The following MAST2 variants were observed in gnomAD, a reference collection of about 807,000 sequenced individuals.
The protein encoded by MAST2 is microtubule-associated serine/threonine-protein kinase 2.
A neutral mutation model predicts 147.4 loss-of-function variants in MAST2; 70 were observed. The ratio of observed to expected loss-of-function variants is 0.47; its 90% CI spans 0.39 to 0.58. The LOEUF (loss-of-function observed/expected upper bound fraction) is 0.58, where lower values mean the gene tolerates loss of function less well. Among genes scored for constraint, MAST2 ranks in the 20% least tolerant of loss-of-function variants. The pLI, the probability that MAST2 is intolerant of heterozygous loss-of-function variation, is 0.00. For synonymous variants in MAST2, 869 were observed against 896.8 expected, an observed-to-expected ratio of 0.97 and a Z score of 0.55; for missense variants, 2,080 against 2,302.3, an observed-to-expected ratio of 0.90 and a Z score of 1.98.
intron 5 of MAST2, among the ~76,000 whole-genome samples, chr1:45,996,997 A>T (rs7549798): frequency 1 from 152,103 of 152,254 alleles, 75,978 homozygotes; most frequent in Non-Finnish European, 1. Context: ...AACTGCCAAC[A>T]AGGGGCTCCT....
chr1:46,023,332 T>G lies in MAST2; in HGVS notation c.1571+14T>G, dbSNP rs1646267942. Reference sequence around the variant, plus strand: ...TGGCGCCTATGGGTAAAGGCAGGGGTCAGGGTGTGGCCAGGACTGAAGCCG... The same window carrying G: ...TGGCGCCTATGGGTAAAGGCAGGGGGCAGGGTGTGGCCAGGACTGAAGCCG... On this transcript the variant is annotated intron_variant, in intron 14 of 28. Coordinates refer to ENST00000361297, the MANE Select transcript of MAST2 (RefSeq NM_015112.3). The surrounding 1 kb of genome is among the most constrained non-coding windows in gnomAD (Gnocchi z 4.9). 1 of 1,612,308 alleles carries G rather than the reference T, an allele frequency of 6.2e-7. No homozygotes were observed. Among genetic ancestry groups the G allele is most frequent in the Non-Finnish European group, 8.5e-7 (1 of 1,178,764 alleles).
chr1:45,828,570 A>T (rs1233470974), intron 2 of MAST2, among the ~76,000 whole-genome samples: 1 of 152,226 alleles, frequency 6.6e-6, no homozygotes, highest in Non-Finnish European at 1.5e-5. Context: ...TTAGATCACA[A>T]GCAAAAGTGT....
chr1:45,870,026 C>T (rs1316644494), intron 3 of MAST2, among the ~76,000 whole-genome samples: 2 of 152,260 alleles, frequency 1.3e-5, no homozygotes, highest in African/African-American at 2.4e-5. Context: ...TGGGTTCAAG[C>T]GATTCTCCAG....
At chr1:45,863,849 T>C (rs1646059106) in intron 3 of MAST2, among the ~76,000 whole-genome samples, 1 of 152,214 alleles carries the variant, frequency 6.6e-6, no homozygotes, top group Non-Finnish European at 1.5e-5. Context: ...GCATGTCTTA[T>C]AGTTTGGAAA....
chr1:45,828,964 C>G (rs1644873938), intron 2 of MAST2, among the ~76,000 whole-genome samples: 1 of 151,270 alleles, frequency 6.6e-6, no homozygotes, highest in Non-Finnish European at 1.5e-5. Flanking sequence ...CATTGGAATT[C>G]CCTATACTTG....
chr1:45,838,029 T>C (rs1304862256), intron 3 of MAST2, among the ~76,000 whole-genome samples: 1 of 152,078 alleles, frequency 6.6e-6, no homozygotes, highest in East Asian at 1.9e-4. Flanking sequence ...TCCACCCGCC[T>C]CAGCCTCCCA....
chr1:45,925,865 A>G (rs1312173276), intron 4 of MAST2, among the ~76,000 whole-genome samples: 2 of 152,152 alleles, frequency 1.3e-5, no homozygotes, highest in Non-Finnish European at 2.9e-5. Context: ...AGTGGTACCA[A>G]TTTAGTTCTC....
intron 5 of MAST2, among the ~76,000 whole-genome samples, chr1:45,969,842 C>T (rs1643843084): frequency 6.6e-6 from 1 of 152,110 alleles, no homozygotes; most frequent in African/African-American, 2.4e-5. Flanking sequence ...AAATTATCTG[C>T]CATGAAAACA....
At chr1:45,817,280 A>G (rs1278859967) in intron 1 of MAST2, among the ~76,000 whole-genome samples, 1 of 152,188 alleles carries the variant, frequency 6.6e-6, no homozygotes, top group Non-Finnish European at 1.5e-5. Flanking sequence ...CAAGGCATTT[A>G]ATAATCAAAC....
At chr1:45,922,675 G>A (rs1653710345) in intron 4 of MAST2, among the ~76,000 whole-genome samples, 3 of 152,178 alleles carry the variant, frequency 2.0e-5, no homozygotes, top group Non-Finnish European at 2.9e-5. Flanking sequence ...TCCTAGGCCC[G>A]AGAGTTCAGA....
intron 16 of MAST2, 137 bp from the exon 17 acceptor site, chr1:46,027,594 C>T (rs921714665): frequency 3.8e-5 from 33 of 867,522 alleles, no homozygotes; most frequent in Middle Eastern, 3.6e-4. Context: ...CCTGCCTGTC[C>T]CCCCAGCTGA....
intron 5 of MAST2, among the ~76,000 whole-genome samples, chr1:45,997,074 G>A (rs1645086207): frequency 6.6e-6 from 1 of 152,242 alleles, no homozygotes; most frequent in Non-Finnish European, 1.5e-5. Context: ...AGAACCATTG[G>A]GATTAATGCA....
chr1:45,897,515 A>T (rs1479854702), intron 4 of MAST2, among the ~76,000 whole-genome samples: 1 of 152,210 alleles, frequency 6.6e-6, no homozygotes, highest in Admixed American at 6.5e-5. Context: ...TGGGGAGGAA[A>T]GAAAAAACTA....
intron 4 of MAST2, among the ~76,000 whole-genome samples, chr1:45,885,909 G>T (rs1647059223): frequency 6.6e-6 from 1 of 152,098 alleles, no homozygotes; most frequent in Non-Finnish European, 1.5e-5. Flanking sequence ...AATAAAGCCA[G>T]ATATCAGAGA....
rs575231963 is a variant in MAST2 at position 45,814,755 on chromosome 1, C to G, written c.178-9678C>G. On this transcript the variant is annotated intron_variant, in intron 1 of 28. Transcript: ENST00000361297. ...TGAGCCAAGATCACGCCATTGCACTCCAGCCTGGGCGACAAGAGCGAAACT... is the reference window on the plus strand; with the variant it reads ...TGAGCCAAGATCACGCCATTGCACTGCAGCCTGGGCGACAAGAGCGAAACT... Among the ~76,000 whole-genome samples the G allele has an allele frequency of 1.7e-3, 253 of 152,276 alleles. 1 individual carries two copies. The highest frequency in any genetic ancestry group is 5.7e-3 in the African/African-American group (235 of 41,550).
At chr1:45,875,298 T>G (rs1646557593) in intron 3 of MAST2, among the ~76,000 whole-genome samples, 1 of 151,994 alleles carries the variant, frequency 6.6e-6, no homozygotes, top group Non-Finnish European at 1.5e-5. Context: ...ATACAAAAAT[T>G]AGCCGGACGT....
At chr1:45,833,401 TAA>T (rs1553207067) in intron 3 of MAST2, among the ~76,000 whole-genome samples, 1 of 151,160 alleles carries the variant, frequency 6.6e-6, no homozygotes, top group Non-Finnish European at 1.5e-5. Context: ...TTCTTCTTCT[TAA>T]AAAAAAATTA....
At chr1:45,975,280 G>C (rs1224945341) in intron 5 of MAST2, among the ~76,000 whole-genome samples, 1 of 152,058 alleles carries the variant, frequency 6.6e-6, no homozygotes, top group African/African-American at 2.4e-5. Context: ...TGTTCTTTTT[G>C]GAGGTAGCTC....
At chr1:45,848,677 C>G (rs1200495710) in intron 3 of MAST2, among the ~76,000 whole-genome samples, 2 of 151,988 alleles carry the variant, frequency 1.3e-5, no homozygotes, top group Non-Finnish European at 2.9e-5. Flanking sequence ...TTTTGGTGAC[C>G]CCTGACACAG....
Sources: gnomAD v4.1 joint callset for allele counts (sites outside exome capture counted in the v4.1 genomes callset) on GRCh38, gnomAD v4.1.1 for gene constraint, Gnocchi (gnomAD v3.1) non-coding constraint, MANE v1.5 for transcripts, NCBI Gene and HGNC (gene_info 2026-07-23, HGNC 2026-07-21) for gene names.